The following GLRA2 variants were observed in gnomAD, a reference collection of about 807,000 sequenced individuals.
GLRA2 encodes the protein glycine receptor subunit alpha-2.
In GLRA2, 11 loss-of-function variants were observed where a neutral mutation model predicts 31.6. The observed-to-expected ratio is 0.35, with a 90% CI of 0.22 to 0.58. The LOEUF (loss-of-function observed/expected upper bound fraction) is 0.58, where lower values mean the gene tolerates loss of function less well. Among genes scored for constraint, GLRA2 ranks in the 20% least tolerant of loss-of-function variants. The pLI is 0.84. For synonymous variants in GLRA2, 132 were observed against 134.0 expected (o/e 0.99, Z 0.10); for missense variants, 212 against 351.8 (o/e 0.60, Z 3.18).
At chrX:14,514,847 G>T in the GLRA2 span, among the ~76,000 whole-genome samples, 1 of 110,424 alleles carries the variant, frequency 9.1e-6, no homozygotes, top group Admixed American at 9.7e-5. Context: ...GTTTTAATCA[G>T]ATTAATCTGT....
At chrX:14,459,636 T>C in the GLRA2 span, among the ~76,000 whole-genome samples, 4 of 111,890 alleles carry the variant, frequency 3.6e-5, no homozygotes, top group South Asian at 1.1e-3. Flanking sequence ...TTTGTAGCAA[T>C]TGTGAATGGG....
chrX:14,590,490 T>C (rs999900006), intron 4 of GLRA2, among the ~76,000 whole-genome samples: 2 of 112,185 alleles, frequency 1.8e-5, no homozygotes, highest in South Asian at 3.7e-4. Context: ...AGTTATATAT[T>C]TTTTTATGGC....
chrX:14,478,839 C>A, the GLRA2 span, among the ~76,000 whole-genome samples: 166 of 112,077 alleles, frequency 1.5e-3, no homozygotes, highest in Non-Finnish European at 9.4e-4. Flanking sequence ...GTTTACATAT[C>A]TATGCATTTT....
At chrX:14,619,575 T>A (rs939581747) in intron 7 of GLRA2, among the ~76,000 whole-genome samples, 1 of 79,929 alleles carries the variant, frequency 1.3e-5, no homozygotes, top group Non-Finnish European at 3.1e-5. Flanking sequence ...GACTACCTTC[T>A]CTACCTTCTC....
chrX:14,532,188 C>G, intron 1 of GLRA2, 51 bp from the exon 2 acceptor site: 6 of 964,848 alleles, frequency 6.2e-6, no homozygotes, highest in Non-Finnish European at 8.3e-6. Flanking sequence ...AGCGTTAGCT[C>G]TCAAGGGATG....
At chrX:14,479,364 T>G in the GLRA2 span, among the ~76,000 whole-genome samples, 4 of 111,944 alleles carry the variant, frequency 3.6e-5, no homozygotes, top group Non-Finnish European at 5.6e-5. Flanking sequence ...TAGTTTTCAA[T>G]GGATCTTTTG....
chrX:14,483,435 T>C, the GLRA2 span, among the ~76,000 whole-genome samples: 1 of 112,246 alleles, frequency 8.9e-6, no homozygotes, highest in Non-Finnish European at 1.9e-5. Flanking sequence ...AACAATATCC[T>C]ACTTCATAGG....
chrX:14,619,825 T>C (rs959049533), intron 7 of GLRA2, among the ~76,000 whole-genome samples: 1 of 111,208 alleles, frequency 9.0e-6, no homozygotes, highest in African/African-American at 3.3e-5. Context: ...GGGTTCTTTA[T>C]CTGGCTTGCT....
chrX:14,725,986 T>C (rs890889110), intron 8 of GLRA2, among the ~76,000 whole-genome samples: 2 of 112,271 alleles, frequency 1.8e-5, no homozygotes, highest in Non-Finnish European at 3.8e-5. Context: ...GAAGTGCTTA[T>C]TGCTCAGTTA....
intron 5 of GLRA2, among the ~76,000 whole-genome samples, chrX:14,605,175 G>C (rs1206200780): frequency 8.9e-6 from 1 of 111,744 alleles, no homozygotes; most frequent in Non-Finnish European, 1.9e-5. Context: ...AGAATAATAA[G>C]TGCCACTGAC....
At chrX:14,604,836 T>C (rs371274667) in intron 5 of GLRA2, among the ~76,000 whole-genome samples, 3 of 110,451 alleles carry the variant, frequency 2.7e-5, no homozygotes, top group African/African-American at 9.8e-5. Context: ...CAAAAGGAAT[T>C]CTGGCAGGAA....
At chrX:14,634,234 C>A (rs1173755847) in intron 7 of GLRA2, among the ~76,000 whole-genome samples, 2 of 112,032 alleles carry the variant, frequency 1.8e-5, no homozygotes, top group Non-Finnish European at 3.8e-5. Context: ...CAGGCGTGAG[C>A]CACCACACCT....
At chrX:14,635,544 G>C (rs1488428007) in intron 7 of GLRA2, among the ~76,000 whole-genome samples, 2 of 111,801 alleles carry the variant, frequency 1.8e-5, no homozygotes, top group Admixed American at 9.5e-5. Context: ...GTAGGTGGTA[G>C]CTTATGAGTA....
chrX:14,729,048 C>G (rs990706125), intron 8 of GLRA2, among the ~76,000 whole-genome samples: 1 of 112,271 alleles, frequency 8.9e-6, no homozygotes, highest in African/African-American at 3.2e-5. Context: ...CCTTGTTGTA[C>G]CATTTGAGTT....
At chrX:14,605,842 T>C (rs1156401845) in intron 5 of GLRA2, among the ~76,000 whole-genome samples, 1 of 111,381 alleles carries the variant, frequency 9.0e-6, no homozygotes, top group Non-Finnish European at 1.9e-5. Flanking sequence ...TTTATTGTGG[T>C]GGCCAACGAG....
intron 2 of GLRA2, among the ~76,000 whole-genome samples, chrX:14,558,349 C>A (rs752092066): frequency 2.4e-4 from 27 of 111,987 alleles, no homozygotes; most frequent in South Asian, 1.5e-3. Context: ...TTCTATTCTG[C>A]AGAATTAACA....
At chrX:14,575,495 A>G (rs1485259309) in intron 3 of GLRA2, among the ~76,000 whole-genome samples, 1 of 110,305 alleles carries the variant, frequency 9.1e-6, no homozygotes, top group African/African-American at 3.3e-5. Context: ...CCACCACAGG[A>G]TCTCACTCTT....
intron 7 of GLRA2, among the ~76,000 whole-genome samples, chrX:14,647,803 G>A (rs1206278607): frequency 8.9e-6 from 1 of 111,882 alleles, no homozygotes; most frequent in Non-Finnish European, 1.9e-5. Flanking sequence ...AGAATTCCAA[G>A]GTGAAAGAGA....
At chrX:14,484,331 C>T in the GLRA2 span, among the ~76,000 whole-genome samples, 2 of 111,931 alleles carry the variant, frequency 1.8e-5, no homozygotes, top group South Asian at 3.7e-4. Context: ...TCTCCTAACA[C>T]TTTGCATTCC....
Sources: allele counts gnomAD v4.1 joint callset (sites outside exome capture counted in the v4.1 genomes callset), GRCh38; gene constraint gnomAD v4.1.1; transcripts MANE v1.5; gene names NCBI Gene and HGNC (gene_info 2026-07-23, HGNC 2026-07-21).